The following TANC1 variants were observed in gnomAD, a reference collection of about 807,000 sequenced individuals.
TANC1 encodes protein TANC1.
In TANC1, 77 loss-of-function variants were observed where a neutral mutation model predicts 149.7. The ratio of observed to expected loss-of-function variants is 0.51; its 90% CI spans 0.43 to 0.62. The LOEUF (loss-of-function observed/expected upper bound fraction) is 0.62, where lower values mean the gene tolerates loss of function less well. Ranked by LOEUF, TANC1 falls within the 20% of genes least tolerant of loss-of-function variation. The pLI is 0.00. For synonymous variants in TANC1, 854 were observed against 925.0 expected (o/e 0.92, Z 1.39); for missense variants, 1,985 against 2,321.8 (o/e 0.85, Z 2.98).
rs1409393574 is a variant in TANC1 at position 159,229,708 on chromosome 2, C to A, written c.4282C>A (p.Gln1428Lys). The part of the protein sequence containing the change: ...KQLQRSQQQK[Q>K]QGPLPAPLND... ...ACTCCAGAGGAGTCAACAGCAAAAA[C>A]AGCAGGGCCCGCTACCAGCTCCACT... is the stretch of plus-strand genomic sequence containing the variant. The change falls in exon 27 of 27, where the codon CAG becomes AAG. Residue 1428 changes from glutamine to lysine, a missense_variant. Coordinates refer to ENST00000263635, the MANE Select transcript of TANC1 (RefSeq NM_033394.3). The A allele has an allele frequency of 6.2e-7, 1 of 1,613,980 alleles. No homozygotes were observed. Among genetic ancestry groups the A allele is most frequent in the Non-Finnish European group, 8.5e-7 (1 of 1,180,032 alleles).
chr2:159,190,668 C>A (rs1055714180), intron 16 of TANC1, among the ~76,000 whole-genome samples: 1 of 152,214 alleles, frequency 6.6e-6, no homozygotes, highest in Admixed American at 6.5e-5. Flanking sequence ...TCTCCTGCCT[C>A]AGCCTCCCGA....
At chr2:159,107,131 G>A (rs904776772) in intron 4 of TANC1, among the ~76,000 whole-genome samples, 5 of 152,132 alleles carry the variant, frequency 3.3e-5, no homozygotes, top group Non-Finnish European at 7.3e-5. Flanking sequence ...GGGTTCAAGC[G>A]ATTCTCCTGT....
chr2:159,042,342 T>C (rs141476477), intron 2 of TANC1, among the ~76,000 whole-genome samples: 4 of 152,216 alleles, frequency 2.6e-5, no homozygotes, highest in Non-Finnish European at 4.4e-5. Context: ...AGGAGCCTAG[T>C]TGGTGGTGTG....
chr2:158,985,967 G>A (rs893145790), intron 1 of TANC1, among the ~76,000 whole-genome samples: 22 of 152,288 alleles, frequency 1.4e-4, no homozygotes, highest in East Asian at 1.3e-3. Context: ...ATTGGTTGTC[G>A]TGAATCTTGT....
intron 7 of TANC1, among the ~76,000 whole-genome samples, chr2:159,152,313 A>G (rs2052905887): frequency 6.6e-6 from 1 of 152,042 alleles, no homozygotes; most frequent in African/African-American, 2.4e-5. Flanking sequence ...TAAGCAGATG[A>G]CTTTCTTCAC....
chr2:158,974,229 C>G (rs59905511), intron 1 of TANC1, among the ~76,000 whole-genome samples: 17,011 of 152,100 alleles, frequency 0.11, 985 homozygotes, highest in African/African-American at 0.14. Context: ...TTCCCTGTGC[C>G]TAGGCTCACT....
At chr2:159,153,777 A>G (rs958643766) in intron 7 of TANC1, among the ~76,000 whole-genome samples, 2 of 152,106 alleles carry the variant, frequency 1.3e-5, no homozygotes, top group Admixed American at 6.5e-5. Flanking sequence ...TGGTTCTGTG[A>G]TTGCTGGAGT....
chr2:159,207,549 A>G (rs1016585974), intron 19 of TANC1, among the ~76,000 whole-genome samples: 7 of 151,820 alleles, frequency 4.6e-5, no homozygotes, highest in African/African-American at 1.5e-4. Context: ...AAAATACAAA[A>G]ACTAGCCAGG....
chr2:159,069,891 C>G (rs1037311003), intron 3 of TANC1, among the ~76,000 whole-genome samples: 1 of 151,454 alleles, frequency 6.6e-6, no homozygotes, highest in African/African-American at 2.4e-5. Flanking sequence ...ACCTCAGCCT[C>G]CTGAGTAGCC....
intron 4 of TANC1, among the ~76,000 whole-genome samples, chr2:159,130,714 T>C (rs1296815857): frequency 6.6e-6 from 1 of 152,162 alleles, no homozygotes; most frequent in Non-Finnish European, 1.5e-5. Context: ...TCTTCTTTTC[T>C]CTCATTCCTT....
At chr2:159,161,980 G>T (rs903068954) in intron 7 of TANC1, among the ~76,000 whole-genome samples, 1 of 152,232 alleles carries the variant, frequency 6.6e-6, no homozygotes, top group African/African-American at 2.4e-5. Flanking sequence ...TCTAGGGAAG[G>T]CTTCAGCATT....
At position 159,111,515 on chromosome 2, in the gene TANC1, C is replaced by T. The variant is rs140199757; in HGVS notation, c.259+13681C>T. On this transcript the variant is annotated intron_variant, in intron 4 of 26. Coordinates refer to ENST00000263635, the MANE Select transcript of TANC1 (RefSeq NM_033394.3). The stretch of plus-strand genomic sequence containing the variant: ...CTTGATGGCACAGCCGTTGTTCTGC[C>T]ATTTAAACAGATTGTTGTTTATTTG... Among the ~76,000 whole-genome samples the T allele has an allele frequency of 2.0e-5, 3 of 152,320 alleles. No homozygotes were observed. In the East Asian group the frequency reaches 5.8e-4, roughly 29 times the overall value.
At chr2:159,185,742 G>A (rs1269025879) in intron 14 of TANC1, 49 bp from the exon 15 acceptor site, 12 of 1,327,438 alleles carry the variant, frequency 9.0e-6, no homozygotes, top group Non-Finnish European at 1.3e-5. Context: ...GGTCTGCGGT[G>A]TGGTGGAATG....
At chr2:159,221,921 C>T (rs1298530518) in intron 22 of TANC1, among the ~76,000 whole-genome samples, 1 of 152,178 alleles carries the variant, frequency 6.6e-6, no homozygotes, top group Non-Finnish European at 1.5e-5. Flanking sequence ...GAGAAATGGT[C>T]AGCTACATGA....
Position 159,219,801 on chromosome 2 carries a change from A to G in TANC1, c.3612A>G (p.Ile1204Met). 1 of 1,614,094 alleles carries G rather than the reference A, an allele frequency of 6.2e-7. No homozygotes were observed. The highest frequency in any genetic ancestry group is 8.5e-7 in the Non-Finnish European group (1 of 1,180,044). ...ATCTGGTTGAAGAAGGAGCTGCAAT[A>G]GACCAGACAGACAAGAATGGCCGCA... Reference protein sequence around the residue: ...VQYLVEEGAAIDQTDKNGRTP... With the variant: ...VQYLVEEGAAMDQTDKNGRTP... The change falls in exon 22 of 27, where the codon ATA (isoleucine) becomes ATG (methionine). Residue 1204 changes from isoleucine (I) to methionine (M), a missense_variant. By Grantham distance (10) the Ile-to-Met change is conservative. Around this residue, in one of 3 missense-constraint regions of TANC1, gnomAD observed 920 missense variants for 994.7 expected, o/e 0.92. Transcript: ENST00000263635.
intron 2 of TANC1, among the ~76,000 whole-genome samples, chr2:159,043,685 T>C (rs1340729698): frequency 6.6e-6 from 1 of 152,210 alleles, no homozygotes; most frequent in African/African-American, 2.4e-5. Context: ...TATATGTTGA[T>C]TGAATGGCTT....
intron 2 of TANC1, among the ~76,000 whole-genome samples, chr2:159,047,314 A>T (rs1050972377): frequency 6.6e-6 from 1 of 151,606 alleles, no homozygotes; most frequent in African/African-American, 2.4e-5. Context: ...GAAATTTGTG[A>T]TTCATCCTTC....
intron 17 of TANC1, among the ~76,000 whole-genome samples, chr2:159,195,805 TG>T (rs2057800737): frequency 6.6e-6 from 1 of 152,184 alleles, no homozygotes; most frequent in South Asian, 2.1e-4. Context: ...CTGAAAGCTC[TG>T]GAGTAGGAGG....
rs1017599482 is a variant in TANC1, at chr2:159,228,066, G to A, written c.4050+101G>A. On this transcript the variant is annotated intron_variant, in intron 25 of 26. Transcript: ENST00000263635. ...TCCAGACCAGATCCTGGGCCCTCCTGTCCAATTTGCTTGCACATTTACATG... is the reference window on the plus strand; with the variant it reads ...TCCAGACCAGATCCTGGGCCCTCCTATCCAATTTGCTTGCACATTTACATG... 4 of 1,334,862 alleles carry A rather than the reference G, an allele frequency of 3.0e-6. No homozygotes were observed. In the Admixed American group the frequency reaches 9.2e-5, roughly 31 times the overall value. 82.7% of individuals were successfully genotyped at this position (1,334,862 alleles called of 1,614,324 possible).
Sources: gnomAD v4.1 joint callset for allele counts (sites outside exome capture counted in the v4.1 genomes callset) on GRCh38, gnomAD v4.1.1 for gene constraint, gnomAD v4.1.1 regional missense constraint, MANE v1.5 for transcripts, NCBI Gene and HGNC (gene_info 2026-07-23, HGNC 2026-07-21) for gene names.